ZNF366: variants seen among roughly 807,000 people sequenced by gnomAD.
The protein encoded by ZNF366 is dendritic cell-specific transcript protein.
Under a neutral mutation model 47.2 loss-of-function variants are expected in ZNF366, and 20 were observed. That is an observed-to-expected ratio of 0.42 (90% CI 0.30 to 0.62). ZNF366 has a LOEUF of 0.62. Among genes scored for constraint, ZNF366 ranks in the 20% least tolerant of loss-of-function variants. The pLI is 0.16. For missense variants in ZNF366, 987 were observed against 976.3 expected (o/e 1.01, Z -0.15); for synonymous variants, 421 against 395.1 (o/e 1.07, Z -0.78).
chr5:72,470,927 T>C (rs1384755781), intron 1 of ZNF366, among the ~76,000 whole-genome samples: 1 of 152,140 alleles, frequency 6.6e-6, no homozygotes, highest in Non-Finnish European at 1.5e-5. Context: ...ATATGAAAGA[T>C]AGAATGTCCT....
At position 72,440,215 on chromosome 5, in the gene ZNF366, A is replaced by G. The variant is rs1742828246; in HGVS notation, c.*3541T>C. 2 of 152,262 alleles carry G rather than the reference A, an allele frequency of 1.3e-5. No individual in the cohort carries two copies. The highest frequency in any genetic ancestry group is 1.3e-4 in the Admixed American group (2 of 15,290). 9.4% of individuals were successfully genotyped at this position (152,262 alleles called of 1,614,324 possible). Reference sequence around the variant, plus strand: ...GCGTTCAGGGCTTAATAAATACAGTATGCACATTGAGCTTTCTCATGCAAC... The same window carrying G: ...GCGTTCAGGGCTTAATAAATACAGTGTGCACATTGAGCTTTCTCATGCAAC... On this transcript the variant is annotated 3_prime_UTR_variant, in exon 5 of 5. Coordinates refer to ENST00000318442, the MANE Select transcript of ZNF366 (RefSeq NM_152625.3).
intron 1 of ZNF366, among the ~76,000 whole-genome samples, chr5:72,487,767 G>T (rs1424005194): frequency 2.0e-5 from 3 of 152,220 alleles, no homozygotes; most frequent in African/African-American, 7.2e-5. Flanking sequence ...TTTGGCCTAT[G>T]TAGTAGTGGA....
intron 1 of ZNF366, among the ~76,000 whole-genome samples, chr5:72,488,218 A>G (rs927819949): frequency 6.6e-6 from 1 of 151,908 alleles, no homozygotes; most frequent in Non-Finnish European, 1.5e-5. Context: ...CTGAAAGAAA[A>G]AAAAAAAAAA....
At chr5:72,465,439 CAAGTT>C (rs1743410162) in intron 1 of ZNF366, among the ~76,000 whole-genome samples, 2 of 152,174 alleles carry the variant, frequency 1.3e-5, no homozygotes. Context: ...TGAAATCAGT[CAAGTT>C]AAAATTCTGG....
chr5:72,443,902 C>G lies in ZNF366; in HGVS notation c.2089G>C (p.Asp697His). The G allele has an allele frequency of 6.2e-7, 1 of 1,614,228 alleles. No individual in the cohort carries two copies. Among genetic ancestry groups the G allele is most frequent in the Non-Finnish European group, 8.5e-7 (1 of 1,180,046 alleles). ...GGQERDCAGR[D>H]ECLSLRAFQS... Reference sequence around the variant, plus strand: ...AAAGCCCTGAGACTGAGACACTCATCTCTGCCGGCACAGTCTCTCTCCTGG... The same window carrying G: ...AAAGCCCTGAGACTGAGACACTCATGTCTGCCGGCACAGTCTCTCTCCTGG... Residue 697 changes from aspartate to histidine, a missense_variant, in exon 5 of 5, where the codon GAT becomes CAT. Physicochemically the swap from Asp to His is moderately conservative, Grantham distance 81. Around this residue, in one of 3 missense-constraint regions of ZNF366, gnomAD observed 285 missense variants for 234.8 expected, o/e 1.21. Transcript: ENST00000318442.
intron 2 of ZNF366, among the ~76,000 whole-genome samples, chr5:72,458,553 G>A (rs1457178776): frequency 1.3e-5 from 2 of 152,178 alleles, no homozygotes; most frequent in African/African-American, 2.4e-5. Context: ...TCACAGAGTC[G>A]GAGCCTGTCA....
intron 1 of ZNF366, among the ~76,000 whole-genome samples, chr5:72,505,758 C>T (rs1419076842): frequency 6.6e-6 from 1 of 152,176 alleles, no homozygotes; most frequent in South Asian, 2.1e-4. Context: ...GCAATAATGC[C>T]CTCGACAATC....
rs1743821437 is a variant in ZNF366, at chr5:72,483,111, G to A, written c.-14-21601C>T. Among the ~76,000 whole-genome samples, 4 of 152,172 alleles carry A rather than the reference G, an allele frequency of 2.6e-5. No individual in the cohort carries two copies. In the South Asian group the frequency reaches 8.3e-4, roughly 32 times the overall value. On this transcript the variant is annotated intron_variant, in intron 1 of 4. Transcript: ENST00000318442. ...TGCCTGCTGTAATTCATGGTGAGAA[G>A]TCAGGCATCCAGTGGTGTCAAAGCT... is the stretch of plus-strand genomic sequence containing the variant.
intron 1 of ZNF366, among the ~76,000 whole-genome samples, chr5:72,483,523 TA>T (rs1743828799): frequency 6.6e-6 from 1 of 152,092 alleles, no homozygotes; most frequent in Non-Finnish European, 1.5e-5. Context: ...TGAGAAGAAG[TA>T]ACATTCTTTG....
At chr5:72,471,053 C>A (rs1237841830) in intron 1 of ZNF366, among the ~76,000 whole-genome samples, 3 of 152,208 alleles carry the variant, frequency 2.0e-5, no homozygotes, top group African/African-American at 7.2e-5. Context: ...AAAACACACC[C>A]ACATTCCTGC....
intron 1 of ZNF366, among the ~76,000 whole-genome samples, chr5:72,498,513 GTGAA>G (rs1483022002): frequency 2.0e-5 from 3 of 152,198 alleles, no homozygotes; most frequent in African/African-American, 7.2e-5. Flanking sequence ...CACACAGTAA[GTGAA>G]TGAAGTGCTT....
At chr5:72,480,445 A>G (rs1252732004) in intron 1 of ZNF366, among the ~76,000 whole-genome samples, 3 of 151,972 alleles carry the variant, frequency 2.0e-5, no homozygotes, top group Admixed American at 6.6e-5. Context: ...GTGGATTTCA[A>G]TCAATATCCC....
intron 1 of ZNF366, among the ~76,000 whole-genome samples, chr5:72,465,577 G>A (rs557957259): frequency 6.6e-6 from 1 of 152,308 alleles, no homozygotes; most frequent in East Asian, 1.9e-4. Flanking sequence ...TTCTTATGCA[G>A]GAGGCAGGAG....
At chr5:72,468,806 C>T (rs1053394425) in intron 1 of ZNF366, among the ~76,000 whole-genome samples, 1 of 152,128 alleles carries the variant, frequency 6.6e-6, no homozygotes, top group African/African-American at 2.4e-5. Context: ...TCTCTGTCCT[C>T]GTGACCCATT....
intron 3 of ZNF366, among the ~76,000 whole-genome samples, chr5:72,450,494 C>T (rs1245907495): frequency 6.6e-6 from 1 of 152,194 alleles, no homozygotes; most frequent in Admixed American, 6.5e-5. Flanking sequence ...ATGCCTAAGT[C>T]TTTGGTTGGG....
chr5:72,455,588 A>C (rs982765130), intron 3 of ZNF366, among the ~76,000 whole-genome samples: 1 of 152,178 alleles, frequency 6.6e-6, no homozygotes, highest in African/African-American at 2.4e-5. Flanking sequence ...AAGTAGAGAG[A>C]GGAAACACTC....
intron 1 of ZNF366, among the ~76,000 whole-genome samples, chr5:72,484,877 G>A (rs1425381205): frequency 1.3e-5 from 2 of 152,198 alleles, no homozygotes; most frequent in Non-Finnish European, 1.5e-5. Context: ...ATTTTAAAAT[G>A]CAAGAGGCTC....
At chr5:72,451,949 C>A (rs1743081240) in intron 3 of ZNF366, among the ~76,000 whole-genome samples, 1 of 152,230 alleles carries the variant, frequency 6.6e-6, no homozygotes, top group Admixed American at 6.5e-5. Flanking sequence ...ACCTCAGGCA[C>A]TTGCCATGAA....
At chr5:72,448,576 C>A (rs545562723) in intron 3 of ZNF366, among the ~76,000 whole-genome samples, 53 of 152,180 alleles carry the variant, frequency 3.5e-4, no homozygotes, top group African/African-American at 1.2e-3. Flanking sequence ...ATTCTCCTTC[C>A]CTCCCCAACC....
Sources: gnomAD v4.1 joint callset for allele counts (sites outside exome capture counted in the v4.1 genomes callset) on GRCh38, gnomAD v4.1.1 for gene constraint, gnomAD v4.1.1 regional missense constraint, MANE v1.5 for transcripts, NCBI Gene and HGNC (gene_info 2026-07-23, HGNC 2026-07-21) for gene names.